The following ESR1 variants were observed in gnomAD, a reference collection of about 807,000 sequenced individuals.
The protein encoded by ESR1 is estrogen receptor.
ESR1 carries 12 observed loss-of-function variants against 52.7 expected under a neutral mutation model. The observed-to-expected ratio is 0.23, with a 90% confidence interval of 0.15 to 0.37. ESR1 has a LOEUF of 0.37. Among genes scored for constraint, ESR1 ranks in the 10% least tolerant of loss-of-function variants. The pLI is 1.00. For missense variants in ESR1, 584 were observed against 779.7 expected, an observed-to-expected ratio of 0.75 and a Z score of 2.99; for synonymous variants, 305 against 316.8, an observed-to-expected ratio of 0.96 and a Z score of 0.39.
chr6:151,932,784 G>T (rs1209924137), intron 3 of ESR1, among the ~76,000 whole-genome samples: 1 of 150,708 alleles, frequency 6.6e-6, no homozygotes, highest in African/African-American at 2.4e-5. Context: ...CGTTATTTCT[G>T]AGGGCTCTGT....
At chr6:152,056,187 C>T (rs117300842) in intron 5 of ESR1, among the ~76,000 whole-genome samples, 2 of 152,276 alleles carry the variant, frequency 1.3e-5, no homozygotes, top group Admixed American at 6.5e-5. Context: ...CATATGTAAA[C>T]CTCTTGATCA....
chr6:151,976,489 ATAAAACCTTTT>A (rs2039449371), intron 4 of ESR1, among the ~76,000 whole-genome samples: 1 of 151,850 alleles, frequency 6.6e-6, no homozygotes, highest in African/African-American at 2.4e-5. Flanking sequence ...CACCATGCCT[ATAAAACCTTTT>A]TGGTTTTAGA....
chr6:151,714,285 T>C (rs554782538), intron 2 of ESR1, among the ~76,000 whole-genome samples: 2 of 152,316 alleles, frequency 1.3e-5, no homozygotes, highest in African/African-American at 4.8e-5. Flanking sequence ...ATAAGTGTGA[T>C]GTGGTGCTAA....
At chr6:151,704,691 T>C (rs1780049445) in intron 2 of ESR1, among the ~76,000 whole-genome samples, 1 of 152,166 alleles carries the variant, frequency 6.6e-6, no homozygotes, top group African/African-American at 2.4e-5. Context: ...ACCCACCAGA[T>C]TATTTTCTGC....
chr6:151,683,149 C>T (rs1229705639), intron 1 of ESR1, among the ~76,000 whole-genome samples: 2 of 152,012 alleles, frequency 1.3e-5, no homozygotes, highest in African/African-American at 4.8e-5. Context: ...TAGTTTTGTT[C>T]TTTGTTTTCT....
At chr6:151,964,986 A>G (rs886400901) in intron 4 of ESR1, among the ~76,000 whole-genome samples, 12 of 152,172 alleles carry the variant, frequency 7.9e-5, no homozygotes, top group Non-Finnish European at 1.5e-4. Context: ...GTTGAAAAAC[A>G]TGAAAATGAT....
chr6:152,123,233 T>C (rs2052049165), intron 6 of ESR1, among the ~76,000 whole-genome samples: 1 of 152,248 alleles, frequency 6.6e-6, no homozygotes, highest in African/African-American at 2.4e-5. Context: ...CCTGGTTTCA[T>C]CTTGCACTGA....
At chr6:151,853,116 G>A (rs1787125433) in intron 2 of ESR1, among the ~76,000 whole-genome samples, 1 of 127,070 alleles carries the variant, frequency 7.9e-6, no homozygotes, top group South Asian at 2.8e-4. Flanking sequence ...AGGTTGTAGT[G>A]AGCCGAGATT....
chr6:151,812,053 G>A (rs896655513), intron 1 of ESR1, among the ~76,000 whole-genome samples: 6 of 152,022 alleles, frequency 3.9e-5, no homozygotes, highest in Admixed American at 1.3e-4. Flanking sequence ...GAATTTTGGC[G>A]GCTTGGGATT....
intron 3 of ESR1, among the ~76,000 whole-genome samples, chr6:151,894,654 C>T (rs1488529814): frequency 6.6e-6 from 1 of 151,980 alleles, no homozygotes; most frequent in Non-Finnish European, 1.5e-5. Flanking sequence ...GTCCTTTCCC[C>T]ACTTTATGTT....
chr6:151,782,200 T>C (rs999237138), intron 2 of ESR1, among the ~76,000 whole-genome samples: 2 of 152,156 alleles, frequency 1.3e-5, no homozygotes, highest in African/African-American at 4.8e-5. Context: ...CCATCCTTGT[T>C]TGGGATATGA....
intron 4 of ESR1, among the ~76,000 whole-genome samples, chr6:151,992,404 A>G (rs1466621860): frequency 2.0e-5 from 3 of 152,118 alleles, no homozygotes; most frequent in Non-Finnish European, 4.4e-5. Flanking sequence ...GAATCATCCA[A>G]CATTTTTCCT....
exon 7 of ESR1, chr6:152,126,461 C>T (rs2053485599): frequency 6.6e-6 from 1 of 152,206 alleles, no homozygotes. Context: ...ACCCACTGGT[C>T]ATTCTCCTCT....
intron 1 of ESR1, among the ~76,000 whole-genome samples, chr6:151,833,196 G>A (rs1168483966): frequency 6.6e-6 from 1 of 152,150 alleles, no homozygotes; most frequent in Non-Finnish European, 1.5e-5. Context: ...CACAGGGAAG[G>A]GTAGGGCTGG....
At chr6:151,857,674 G>A (rs1277233695) in intron 2 of ESR1, among the ~76,000 whole-genome samples, 1 of 151,880 alleles carries the variant, frequency 6.6e-6, no homozygotes, top group Admixed American at 6.6e-5. Context: ...GATTACAGGC[G>A]CCTGCCACCA....
chr6:151,975,040 T>C (rs182257319), intron 4 of ESR1, among the ~76,000 whole-genome samples: 7 of 152,340 alleles, frequency 4.6e-5, no homozygotes, highest in Admixed American at 4.6e-4. Flanking sequence ...GGAAATGGGG[T>C]AGCTGTGAGG....
At chr6:152,047,956 ATTTTTTTT>A (rs71017517) in intron 5 of ESR1, among the ~76,000 whole-genome samples, 1 of 67,780 alleles carries the variant, frequency 1.5e-5, no homozygotes, top group African/African-American at 6.0e-5. Context: ...CTCCTCAAGC[ATTTTTTTT>A]TTTTTTTTTT....
intron 3 of ESR1, among the ~76,000 whole-genome samples, chr6:151,881,879 T>C (rs1461549462): frequency 7.7e-6 from 1 of 129,262 alleles, no homozygotes; most frequent in Admixed American, 8.4e-5. Context: ...TGAGACTCTG[T>C]CTCAATAAAT....
chr6:152,043,313 G>A (rs2045958091), intron 5 of ESR1, among the ~76,000 whole-genome samples: 1 of 152,130 alleles, frequency 6.6e-6, no homozygotes, highest in Non-Finnish European at 1.5e-5. Context: ...TTCCTGCTTA[G>A]TGGGCCCAAA....
Sources: gnomAD v4.1 joint callset for allele counts (sites outside exome capture counted in the v4.1 genomes callset) on GRCh38, gnomAD v4.1.1 for gene constraint, MANE v1.5 for transcripts, NCBI Gene and HGNC (gene_info 2026-07-23, HGNC 2026-07-21) for gene names.